The following SEPTIN10 variants were observed in gnomAD, a reference collection of about 807,000 sequenced individuals.
SEPTIN10 encodes the protein septin 10.
Under a neutral mutation model 54.8 loss-of-function variants are expected in SEPTIN10, and 66 were observed. The observed-to-expected ratio is 1.21, with a 90% confidence interval of 0.99 to 1.48. The LOEUF is 1.48. SEPTIN10 is among the 40% of genes most tolerant of loss of function. The pLI is 0.00. For synonymous variants in SEPTIN10, 161 were observed against 181.0 expected (o/e 0.89, Z 0.89); for missense variants, 620 against 545.6 (o/e 1.14, Z -1.36).
intron 1 of SEPTIN10, among the ~76,000 whole-genome samples, chr2:109,603,548 T>G (rs1161716971): frequency 6.6e-6 from 1 of 152,118 alleles, no homozygotes; most frequent in East Asian, 1.9e-4. Flanking sequence ...CTCATAATAT[T>G]ATTTTTAAAG....
At chr2:109,595,156 G>C (rs574752624) in intron 1 of SEPTIN10, among the ~76,000 whole-genome samples, 9 of 152,240 alleles carry the variant, frequency 5.9e-5, no homozygotes, top group Non-Finnish European at 1.3e-4. Context: ...CAAAGTGCTG[G>C]GATTACAGGC....
Position 109,576,894 on chromosome 2 carries a change from A to G in SEPTIN10, c.414-2127T>C, listed in dbSNP as rs560440076. On this transcript the variant is annotated intron_variant, in intron 4 of 10. Coordinates refer to ENST00000397712, the MANE Select transcript of SEPTIN10 (RefSeq NM_144710.5). ...ATCAAAGTTTTCAAAGGAAAAAAAC[A>G]GAAAAGAGGGCAGAAGCAATATTTA... Among the ~76,000 whole-genome samples, 3 of 152,346 alleles carry G rather than the reference A, an allele frequency of 2.0e-5. No homozygotes were observed. The South Asian group carries it at 6.2e-4, about 32-fold the overall frequency.
At chr2:109,568,258 G>A (rs1305544800) in intron 5 of SEPTIN10, among the ~76,000 whole-genome samples, 1 of 151,856 alleles carries the variant, frequency 6.6e-6, no homozygotes, top group African/African-American at 2.4e-5. Flanking sequence ...GACGCCCAGT[G>A]TATTCTCAGC....
At chr2:109,545,129 T>C (rs1270823832) in intron 10 of SEPTIN10, 2 of 985,290 alleles carry the variant, frequency 2.0e-6, no homozygotes, top group Non-Finnish European at 2.4e-6. Context: ...ACCAGATGTG[T>C]TGCTCTGTGG....
intron 1 of SEPTIN10, among the ~76,000 whole-genome samples, chr2:109,601,547 C>CAT (rs1696594337): frequency 2.0e-5 from 3 of 152,270 alleles, no homozygotes; most frequent in South Asian, 2.1e-4. Flanking sequence ...ATCACCAATT[C>CAT]ATGTTTTCCC....
intron 8 of SEPTIN10, among the ~76,000 whole-genome samples, chr2:109,560,332 C>T (rs1426462506): frequency 1.3e-5 from 2 of 152,180 alleles, no homozygotes; most frequent in Non-Finnish European, 2.9e-5. Context: ...AACTTTGACA[C>T]AGCAGCAGAC....
chr2:109,552,969 A>T, intron 9 of SEPTIN10, 118 bp downstream of exon 9: 1 of 1,132,164 alleles, frequency 8.8e-7, no homozygotes, highest in Non-Finnish European at 1.3e-6. Flanking sequence ...TGGAAAAGCT[A>T]CTCTTTAAAG....
Position 109,543,965 on chromosome 2 carries a change from T to G in SEPTIN10, c.*344A>C, listed in dbSNP as rs1194863572. The stretch of plus-strand genomic sequence containing the variant: ...GAAAGTAATTTATACAAAAATTTTG[T>G]GCAAGAAACAAAATCTGTTTAAACT... On this transcript the variant is annotated 3_prime_UTR_variant, in exon 11 of 11. Transcript: ENST00000397712. 1 of 583,868 alleles carries G rather than the reference T, an allele frequency of 1.7e-6. No homozygotes were observed. The highest frequency in any genetic ancestry group is 1.9e-5 in the African/African-American group (1 of 53,056). 36.2% of individuals were successfully genotyped at this position (583,868 alleles called of 1,614,324 possible).
intron 1 of SEPTIN10, among the ~76,000 whole-genome samples, chr2:109,595,464 T>C (rs1451718827): frequency 6.6e-6 from 1 of 152,158 alleles, no homozygotes; most frequent in Non-Finnish European, 1.5e-5. Context: ...CATCATGTGG[T>C]ACCTAAGCAG....
chr2:109,551,904 G>A (rs1363256854), intron 9 of SEPTIN10, among the ~76,000 whole-genome samples: 1 of 152,106 alleles, frequency 6.6e-6, no homozygotes, highest in African/African-American at 2.4e-5. Flanking sequence ...TTTTTTTGGT[G>A]CCAGGGCTAC....
At chr2:109,567,345 C>T (rs1457233289) in intron 6 of SEPTIN10, among the ~76,000 whole-genome samples, 1 of 152,214 alleles carries the variant, frequency 6.6e-6, no homozygotes, top group Non-Finnish European at 1.5e-5. Context: ...AGAACTTAGT[C>T]ACCTTCCATT....
At position 109,583,209 on chromosome 2, in the gene SEPTIN10, C is replaced by A. The variant is rs934964953; in HGVS notation, c.413+1917G>T. Among the ~76,000 whole-genome samples the A allele has an allele frequency of 3.3e-5, 5 of 152,044 alleles. 1 individual carries two copies. The highest frequency in any genetic ancestry group is 1.3e-4 in the Admixed American group (2 of 15,256). ...AGAGCTTCTACATAGCAAAACAAAC[C>A]ATCATCAGAGTAAACAGACAACCTA... is the stretch of plus-strand genomic sequence containing the variant. On this transcript the variant is annotated intron_variant, in intron 4 of 10. Transcript: ENST00000397712.
chr2:109,579,891 C>T (rs533325438), intron 4 of SEPTIN10, among the ~76,000 whole-genome samples: 104 of 151,646 alleles, frequency 6.9e-4, no homozygotes, highest in Middle Eastern at 3.4e-3. Context: ...GAAGCTAAGG[C>T]GTGTGGATCA....
intron 4 of SEPTIN10, among the ~76,000 whole-genome samples, chr2:109,584,579 A>T (rs1692031373): frequency 6.6e-6 from 1 of 151,956 alleles, no homozygotes; most frequent in African/African-American, 2.4e-5. Context: ...TTTAAATTTG[A>T]TAGAGCATAG....
rs556990541 is a variant in SEPTIN10 at position 109,589,595 on chromosome 2, T to A, written c.99+3456A>T. 3.3e-5 allele frequency among the ~76,000 whole-genome samples: 5 copies of A among 151,832 alleles called. No homozygotes were observed. In the South Asian group the frequency reaches 1.0e-3, roughly 32 times the overall value. ...TGAATATCCAATAAAACAGCTAAAA[T>A]TAAAAGGCTGAACATGTCAAGTGTT... On this transcript the variant is annotated intron_variant, in intron 2 of 10. Transcript: ENST00000397712.
chr2:109,570,909 A>C (rs774097277), intron 5 of SEPTIN10, among the ~76,000 whole-genome samples: 2 of 152,190 alleles, frequency 1.3e-5, no homozygotes, highest in Non-Finnish European at 2.9e-5. Flanking sequence ...TGTGTGGCTT[A>C]ACCATGGCGA....
chr2:109,603,544 A>T (rs941187777), intron 1 of SEPTIN10, among the ~76,000 whole-genome samples: 8 of 134,038 alleles, frequency 6.0e-5, no homozygotes, highest in African/African-American at 1.9e-4. Context: ...CGGCCTCATA[A>T]TATTATTTTT....
chr2:109,570,917 C>T (rs1558775048), intron 5 of SEPTIN10, among the ~76,000 whole-genome samples: 2 of 152,216 alleles, frequency 1.3e-5, no homozygotes, highest in South Asian at 2.1e-4. Context: ...TTAACCATGG[C>T]GACATGGTTT....
chr2:109,597,234 C>A (rs988908349), intron 1 of SEPTIN10, among the ~76,000 whole-genome samples: 2 of 152,194 alleles, frequency 1.3e-5, no homozygotes, highest in African/African-American at 2.4e-5. Flanking sequence ...AGCCACCGTG[C>A]CTGGCTGGAA....
Sources: allele counts gnomAD v4.1 joint callset (sites outside exome capture counted in the v4.1 genomes callset), GRCh38; gene constraint gnomAD v4.1.1; transcripts MANE v1.5; gene names NCBI Gene and HGNC (gene_info 2026-07-23, HGNC 2026-07-21).